The following IL23R variants were observed in gnomAD, a reference collection of about 807,000 sequenced individuals.
The protein encoded by IL23R is interleukin 23 receptor.
Under a neutral mutation model 56.9 loss-of-function variants are expected in IL23R, and 34 were observed. The ratio of observed to expected loss-of-function variants is 0.60; its 90% CI spans 0.45 to 0.80. The LOEUF is 0.80. Among genes scored for constraint, IL23R ranks in the 30% least tolerant of loss-of-function variants. The probability of loss-of-function intolerance (pLI) is 0.00; values close to 1 mark genes in which losing one functional copy is unlikely to be tolerated. For synonymous variants in IL23R, 230 were observed against 249.2 expected (o/e 0.92, Z 0.73); for missense variants, 635 against 730.0 (o/e 0.87, Z 1.50).
At chr1:67,222,921 A>G (rs1650394242) in intron 7 of IL23R, among the ~76,000 whole-genome samples, 1 of 152,140 alleles carries the variant, frequency 6.6e-6, no homozygotes, top group Admixed American at 6.6e-5. Context: ...AACTTACTTA[A>G]GTATTCTAAG....
intron 7 of IL23R, among the ~76,000 whole-genome samples, chr1:67,229,482 C>T (rs1456009062): frequency 6.6e-6 from 1 of 152,132 alleles, no homozygotes; most frequent in Non-Finnish European, 1.5e-5. Context: ...TTGTAGGCTT[C>T]ATTACATAAG....
intron 1 of IL23R, among the ~76,000 whole-genome samples, chr1:67,145,204 A>G (rs905818014): frequency 1.1e-4 from 17 of 152,134 alleles, no homozygotes; most frequent in South Asian, 8.3e-4. Flanking sequence ...AAAATTAGCC[A>G]GGCTTGGTGG....
chr1:67,235,075 T>C (rs1651379198), intron 7 of IL23R, among the ~76,000 whole-genome samples: 1 of 152,204 alleles, frequency 6.6e-6, no homozygotes, highest in Admixed American at 6.5e-5. Flanking sequence ...CATTGGCCTG[T>C]AAAGATAGCA....
intron 4 of IL23R, among the ~76,000 whole-genome samples, chr1:67,186,140 C>T (rs72927045): frequency 0.02 from 2,969 of 152,190 alleles, 93 homozygotes; most frequent in African/African-American, 0.068. Context: ...ATTGCTAAGT[C>T]AACTTTAGGA....
chr1:67,249,573 A>G (rs892366055), intron 9 of IL23R, among the ~76,000 whole-genome samples: 1 of 152,204 alleles, frequency 6.6e-6, no homozygotes, highest in Non-Finnish European at 1.5e-5. Flanking sequence ...TAGAAATCCT[A>G]TACAATTTTG....
chr1:67,166,515 A>C lies in IL23R; in HGVS notation c.-56A>C, dbSNP rs1258313953. On this transcript the variant is annotated 5_prime_UTR_variant, in exon 1 of 11. Coordinates refer to ENST00000347310, the MANE Select transcript of IL23R (RefSeq NM_144701.3). ...GGGTGGCAGCCTGGCTCTGAAGTGGAATTATGTGCTTCAAACAGGTTGAAA... is the reference window on the plus strand; with the variant it reads ...GGGTGGCAGCCTGGCTCTGAAGTGGCATTATGTGCTTCAAACAGGTTGAAA... 4 of 152,356 alleles carry C rather than the reference A, an allele frequency of 2.6e-5. No individual in the cohort carries two copies. The highest frequency in any genetic ancestry group is 5.9e-5 in the Non-Finnish European group (4 of 68,042). The allele number at this position is 152,356 out of a possible 1,614,324, so 9.4% of individuals were successfully genotyped here.
chr1:67,227,949 T>TCTTTCTTC (rs1553294931), intron 7 of IL23R, among the ~76,000 whole-genome samples: 301 of 8,440 alleles, frequency 0.036, 45 homozygotes, highest in African/African-American at 0.07. Context: ...GATCTTTCTT[T>TCTTTCTTC]CTTTCTTTCT....
chr1:67,169,309 C>A (rs748670686), intron 2 of IL23R, 33 bp from the exon 3 acceptor site: 5 of 1,336,202 alleles, frequency 3.7e-6, no homozygotes, highest in African/African-American at 1.4e-5. Context: ...TAATGTTTTA[C>A]GTGTAATTTA....
chr1:67,154,728 T>C (rs1469168601), intron 1 of IL23R, among the ~76,000 whole-genome samples: 1 of 152,212 alleles, frequency 6.6e-6, no homozygotes, highest in Non-Finnish European at 1.5e-5. Context: ...CCAATGGGTC[T>C]TGACTCTTTA....
intron 1 of IL23R, 140 bp from the exon 2 acceptor site, chr1:67,167,952 C>T: frequency 3.3e-6 from 2 of 604,202 alleles, no homozygotes; most frequent in East Asian, 2.8e-5. Flanking sequence ...TCCTTCCTTC[C>T]TTTCTTCCTT....
At chr1:67,252,657 G>A (rs560353896) in intron 9 of IL23R, among the ~76,000 whole-genome samples, 2 of 151,902 alleles carry the variant, frequency 1.3e-5, no homozygotes, top group Admixed American at 6.6e-5. Flanking sequence ...TTCATATCCC[G>A]CTTCTGACAC....
chr1:67,165,989 G>A (rs1646870060), upstream of IL23R, among the ~76,000 whole-genome samples: 1 of 152,274 alleles, frequency 6.6e-6, no homozygotes, highest in African/African-American at 2.4e-5. Context: ...TAAATAAGAT[G>A]AGAGATGTAT....
chr1:67,190,102 G>A (rs1201984488), intron 4 of IL23R, among the ~76,000 whole-genome samples: 2 of 152,144 alleles, frequency 1.3e-5, no homozygotes, highest in Non-Finnish European at 2.9e-5. Context: ...TTGGTAACTA[G>A]GCAGAGATCA....
intron 4 of IL23R, among the ~76,000 whole-genome samples, chr1:67,193,510 A>C (rs1479869534): frequency 1.3e-5 from 2 of 152,198 alleles, no homozygotes; most frequent in African/African-American, 2.4e-5. Flanking sequence ...TAAATCTGCA[A>C]TGTTTTTTGA....
chr1:67,140,900 A>G (rs1472903992), intron 1 of IL23R, among the ~76,000 whole-genome samples: 1 of 152,196 alleles, frequency 6.6e-6, no homozygotes, highest in African/African-American at 2.4e-5. Flanking sequence ...GAGATATTAA[A>G]TATTCTGATC....
At chr1:67,169,232 G>T in intron 2 of IL23R, 110 bp from the exon 3 acceptor site, 1 of 818,050 alleles carries the variant, frequency 1.2e-6, no homozygotes, top group Non-Finnish European at 1.9e-6. Context: ...GTTTTCAATG[G>T]AATCATTTAG....
At chr1:67,178,489 A>G (rs1048761642) in intron 3 of IL23R, among the ~76,000 whole-genome samples, 2 of 152,210 alleles carry the variant, frequency 1.3e-5, no homozygotes, top group African/African-American at 2.4e-5. Context: ...ACTTTGCTAA[A>G]GTTGCCTATC....
At chr1:67,261,470 C>T (rs1653204140), downstream of IL23R, among the ~76,000 whole-genome samples, 1 of 151,498 alleles carries the variant, frequency 6.6e-6, no homozygotes, top group Admixed American at 6.6e-5. Flanking sequence ...AAAGTTATCC[C>T]CCAGATAAAC....
At chr1:67,265,834 A>G in the IL23R span, among the ~76,000 whole-genome samples, 1 of 152,096 alleles carries the variant, frequency 6.6e-6, no homozygotes, top group Non-Finnish European at 1.5e-5. Context: ...TGAGCCCAGG[A>G]GTCCAACACC....
Sources: gnomAD v4.1 joint callset for allele counts (sites outside exome capture counted in the v4.1 genomes callset) on GRCh38, gnomAD v4.1.1 for gene constraint, MANE v1.5 for transcripts, NCBI Gene and HGNC (gene_info 2026-07-23, HGNC 2026-07-21) for gene names.